AGBL1: variants seen among roughly 807,000 people sequenced by gnomAD.
AGBL1 encodes cytosolic carboxypeptidase 4.
AGBL1 carries 130 observed loss-of-function variants against 118.9 expected under a neutral mutation model. The observed-to-expected ratio is 1.09, with a 90% CI of 0.95 to 1.26. The LOEUF (loss-of-function observed/expected upper bound fraction) is 1.26, where lower values mean the gene tolerates loss of function less well. AGBL1 is among the 50% of genes most tolerant of loss of function. AGBL1 has a pLI of 0.00. For synonymous variants in AGBL1, 555 were observed against 478.9 expected, an observed-to-expected ratio of 1.16 and a Z score of -2.08; for missense variants, 1,584 against 1,298.1, an observed-to-expected ratio of 1.22 and a Z score of -3.38.
intron 21 of AGBL1, among the ~76,000 whole-genome samples, chr15:86,620,417 T>C (rs1481392314): frequency 6.6e-6 from 1 of 152,218 alleles, no homozygotes; most frequent in Non-Finnish European, 1.5e-5. Flanking sequence ...ACTTTGTGAA[T>C]GATCCTTTGT....
chr15:86,750,988 G>T (rs2077842598), intron 22 of AGBL1, among the ~76,000 whole-genome samples: 1 of 152,026 alleles, frequency 6.6e-6, no homozygotes, highest in East Asian at 1.9e-4. Flanking sequence ...TTTTGTGGCT[G>T]CATAGCATTC....
chr15:86,555,225 A>C (rs1454256890), intron 21 of AGBL1, among the ~76,000 whole-genome samples: 1 of 152,212 alleles, frequency 6.6e-6, no homozygotes, highest in Non-Finnish European at 1.5e-5. Context: ...GGACATTTTG[A>C]CAGTGCCAGG....
intron 18 of AGBL1, among the ~76,000 whole-genome samples, chr15:86,411,875 T>C (rs1010844711): frequency 1.3e-5 from 2 of 152,210 alleles, no homozygotes; most frequent in Non-Finnish European, 2.9e-5. Flanking sequence ...AGCAGGATTT[T>C]AAAATTTTAA....
At chr15:86,236,343 CT>C (rs10531800) in intron 6 of AGBL1, among the ~76,000 whole-genome samples, 40,917 of 143,252 alleles carry the variant, frequency 0.29, 6,137 homozygotes, top group Admixed American at 0.37. Context: ...GAAACTACTA[CT>C]TTTTTTTTTT....
intron 24 of AGBL1, among the ~76,000 whole-genome samples, chr15:87,005,015 G>GC (rs1489859723): frequency 1.3e-5 from 2 of 152,042 alleles, no homozygotes; most frequent in East Asian, 3.9e-4. Context: ...TTGAATATTG[G>GC]CCCCCACTCT....
At chr15:86,205,232 C>T (rs1268548513) in intron 5 of AGBL1, among the ~76,000 whole-genome samples, 2 of 152,170 alleles carry the variant, frequency 1.3e-5, no homozygotes, top group Admixed American at 6.5e-5. Flanking sequence ...TGGCTGCATT[C>T]ACTTAGCAAT....
rs117396964 is a variant in AGBL1 at position 86,395,347 on chromosome 15, C to T, written c.2375-2019C>T. 5.3e-3 allele frequency among the ~76,000 whole-genome samples: 811 copies of T among 152,074 alleles called. 6 individuals carry two copies. The highest frequency in any genetic ancestry group is 0.01 in the Middle Eastern group (3 of 294). On this transcript the variant is annotated intron_variant, in intron 17 of 22. Coordinates refer to ENST00000614907, the MANE Select transcript of AGBL1 (RefSeq NM_001386094.1). ...TCTTTGTTCAGAAGACCCTCCTCAC[C>T]GTCTCCATCTGGTAAATAATACTTA...
chr15:86,560,691 T>A (rs1026435059), intron 21 of AGBL1, among the ~76,000 whole-genome samples: 3 of 152,226 alleles, frequency 2.0e-5, no homozygotes, highest in Admixed American at 6.5e-5. Context: ...CATTTCTAGT[T>A]CTAGATCCTT....
intron 22 of AGBL1, among the ~76,000 whole-genome samples, chr15:86,768,417 C>T (rs961257734): frequency 6.6e-6 from 1 of 151,980 alleles, no homozygotes; most frequent in South Asian, 2.1e-4. Flanking sequence ...CCCTTCCCAC[C>T]TTATCTTATA....
chr15:86,661,201 G>T (rs891439234), intron 21 of AGBL1, among the ~76,000 whole-genome samples: 1 of 151,994 alleles, frequency 6.6e-6, no homozygotes, highest in South Asian at 2.1e-4. Flanking sequence ...TCCTTAATAC[G>T]CATAAGATCA....
At chr15:86,170,753 G>T (rs1273008090) in intron 5 of AGBL1, among the ~76,000 whole-genome samples, 3 of 152,038 alleles carry the variant, frequency 2.0e-5, no homozygotes, top group African/African-American at 7.2e-5. Context: ...GGCTGAGGCA[G>T]GAGAATTGCT....
At chr15:86,331,524 G>A (rs1597738914) in intron 17 of AGBL1, among the ~76,000 whole-genome samples, 1 of 152,220 alleles carries the variant, frequency 6.6e-6, no homozygotes, top group East Asian at 1.9e-4. Flanking sequence ...GGTCAACACT[G>A]AAGAAAAAAC....
intron 5 of AGBL1, among the ~76,000 whole-genome samples, chr15:86,198,849 C>T (rs1414135231): frequency 6.6e-6 from 1 of 152,118 alleles, no homozygotes; most frequent in Non-Finnish European, 1.5e-5. Flanking sequence ...ATTTCTATTG[C>T]TTAAGCCACC....
At chr15:86,164,823 A>G (rs2077315390) in intron 5 of AGBL1, among the ~76,000 whole-genome samples, 1 of 152,116 alleles carries the variant, frequency 6.6e-6, no homozygotes, top group African/African-American at 2.4e-5. Context: ...ACACTTCCAG[A>G]AAGAGGACTC....
At chr15:86,694,579 C>T (rs2086223796) in intron 22 of AGBL1, among the ~76,000 whole-genome samples, 1 of 151,876 alleles carries the variant, frequency 6.6e-6, no homozygotes, top group Admixed American at 6.6e-5. Flanking sequence ...GATTTGGATG[C>T]CATTTATTTC....
intron 5 of AGBL1, among the ~76,000 whole-genome samples, chr15:86,210,539 C>T (rs1054551349): frequency 1.3e-5 from 2 of 152,086 alleles, no homozygotes; most frequent in Admixed American, 1.3e-4. Context: ...CTCTAAACTT[C>T]TCCTCTTGCT....
chr15:86,832,650 C>A (rs8026473), intron 22 of AGBL1, among the ~76,000 whole-genome samples: 30,733 of 152,164 alleles, frequency 0.2, 3,193 homozygotes, highest in East Asian at 0.3. Context: ...ACCACCTCAG[C>A]CTGGACTTTG....
chr15:86,248,294 G>T (rs572894660), intron 7 of AGBL1, among the ~76,000 whole-genome samples: 2 of 152,204 alleles, frequency 1.3e-5, no homozygotes, highest in African/African-American at 4.8e-5. Context: ...TCCAGCCTAG[G>T]TGACAGAGTG....
chr15:86,988,164 A>C, intron 24 of AGBL1: 1 of 1,542,986 alleles, frequency 6.5e-7, no homozygotes, highest in Middle Eastern at 1.7e-4. Context: ...ATGTGACTAC[A>C]TTGGGACTGG....
Sources: gnomAD v4.1 joint callset for allele counts (sites outside exome capture counted in the v4.1 genomes callset) on GRCh38, gnomAD v4.1.1 for gene constraint, MANE v1.5 for transcripts, NCBI Gene and HGNC (gene_info 2026-07-23, HGNC 2026-07-21) for gene names.